Variants in ST8SIA1 observed in about 807,000 individuals in gnomAD.
The protein encoded by ST8SIA1 is ST8 alpha-N-acetyl-neuraminide alpha-2,8-sialyltransferase 1.
In ST8SIA1, 16 loss-of-function variants were observed where a neutral mutation model predicts 35.9. That is an observed-to-expected ratio of 0.45 (90% CI 0.30 to 0.68). ST8SIA1 has a LOEUF of 0.68. ST8SIA1 is among the 30% of genes least tolerant of loss of function. The pLI is 0.09. For missense variants in ST8SIA1, 383 were observed against 453.6 expected (o/e 0.84, Z 1.41); for synonymous variants, 170 against 169.6 (o/e 1.00, Z -0.02).
intron 2 of ST8SIA1, among the ~76,000 whole-genome samples, chr12:22,263,789 T>A (rs886369250): frequency 6.6e-6 from 1 of 152,180 alleles, no homozygotes; most frequent in Admixed American, 6.5e-5. Context: ...TTTAGAATTG[T>A]GGCACCAAGT....
In ST8SIA1 at chr12:22,269,564, T is replaced by C. The variant is rs1865887432; in HGVS notation, c.382-14175A>G. On this transcript the variant is annotated intron_variant, in intron 2 of 4. Transcript: ENST00000396037. ...GGTATTTAACTGTAGAGGTGATTCA[T>C]AATTTAACCAATCCCTTAATGTTGA... Among the ~76,000 whole-genome samples the C allele has an allele frequency of 3.3e-5, 5 of 152,318 alleles. No homozygotes were observed. The South Asian group carries it at 1.0e-3, about 32-fold the overall frequency.
chr12:22,285,885 A>ACAAAAAAAACAAAAAAAAC lies in ST8SIA1; in HGVS notation c.381+1263_381+1264insGTTTTTTTTGTTTTTTTTG, dbSNP rs1555160058. Among the ~76,000 whole-genome samples the ACAAAAAAAACAAAAAAAAC allele has an allele frequency of 1.5e-3, 228 of 147,386 alleles. 2 individuals are homozygous for ACAAAAAAAACAAAAAAAAC. The highest frequency in any genetic ancestry group is 5.5e-3 in the African/African-American group (208 of 37,584). On this transcript the variant is annotated intron_variant, in intron 2 of 4. Transcript: ENST00000396037. The stretch of plus-strand genomic sequence containing the variant: ...TAAGACTCTGTCAAAAACAAAAAAA[A>ACAAAAAAAACAAAAAAAAC]AAAAAAAAAAAGGACATTTCCATGC...
Position 22,334,575 on chromosome 12 carries a change from G to A in ST8SIA1, c.-343C>T. ...CTCCCGCCGGTTCTGCAGCATCACG[G>A]TCGCCCTCGGCGAGGGTCCGGGAGA... On this transcript the variant is annotated 5_prime_UTR_variant, in exon 1 of 5. Transcript: ENST00000396037. 2.9e-6 allele frequency: 1 copy of A among 346,330 alleles called. No individual in the cohort carries two copies. The highest frequency in any genetic ancestry group is 3.5e-5 in the South Asian group (1 of 28,762). 21.5% of individuals were successfully genotyped at this position (346,330 alleles called of 1,614,324 possible).
At chr12:22,284,812 T>C (rs985865263) in intron 2 of ST8SIA1, among the ~76,000 whole-genome samples, 5 of 152,242 alleles carry the variant, frequency 3.3e-5, no homozygotes, top group African/African-American at 1.2e-4. Context: ...CTTATAACCC[T>C]ATTGCTGCAA....
At chr12:22,222,723 T>C (rs1591827593) in intron 4 of ST8SIA1, among the ~76,000 whole-genome samples, 1 of 152,034 alleles carries the variant, frequency 6.6e-6, no homozygotes, top group South Asian at 2.1e-4. Flanking sequence ...TTATTTATGA[T>C]TGATAAATAA....
At chr12:22,206,439 C>G (rs1865111226) in intron 4 of ST8SIA1, among the ~76,000 whole-genome samples, 1 of 152,154 alleles carries the variant, frequency 6.6e-6, no homozygotes. Flanking sequence ...GGGCTGAACC[C>G]TAAAATCCTG....
rs1565565149 is a variant in ST8SIA1 at position 22,201,611 on chromosome 12, C to T, written c.1012G>A (p.Gly338Ser). 1 of 1,613,904 alleles carries T rather than the reference C, an allele frequency of 6.2e-7. No individual in the cohort carries two copies. The highest frequency in any genetic ancestry group is 8.5e-7 in the Non-Finnish European group (1 of 1,179,918). Residue 338 changes from glycine (G) to serine (S), a missense_variant, in exon 5 of 5, where the codon GGT becomes AGT. Gly to Ser is a moderately conservative substitution (Grantham distance 56). Coordinates refer to ENST00000396037, the MANE Select transcript of ST8SIA1 (RefSeq NM_003034.4). ...GGGTCCAGCTGCATTCTCAGTGCAC[C>T]GATTTTATGAAGATACCAGAGTTGG... Reference protein sequence around the residue: ...FLQLWYLHKIGALRMQLDPCE... With the variant: ...FLQLWYLHKISALRMQLDPCE...
At chr12:22,320,524 G>A (rs1162624142) in intron 1 of ST8SIA1, among the ~76,000 whole-genome samples, 3 of 152,146 alleles carry the variant, frequency 2.0e-5, no homozygotes, top group Non-Finnish European at 4.4e-5. Flanking sequence ...CAGAAGAGGG[G>A]TAGAGGAATC....
At chr12:22,300,904 T>A (rs1006358102) in intron 1 of ST8SIA1, among the ~76,000 whole-genome samples, 2 of 152,190 alleles carry the variant, frequency 1.3e-5, no homozygotes, top group Non-Finnish European at 2.9e-5. Flanking sequence ...AAAAATTATA[T>A]AGGAAGCATC....
chr12:22,246,138 C>T (rs539029824), intron 4 of ST8SIA1, among the ~76,000 whole-genome samples: 36 of 152,038 alleles, frequency 2.4e-4, no homozygotes, highest in Non-Finnish European at 3.7e-4. Flanking sequence ...TCAGAAGCTC[C>T]GGAGGCCTAG....
In ST8SIA1 at chr12:22,249,656, T is replaced by C. The variant is rs116615951; in HGVS notation, c.492-558A>G. On this transcript the variant is annotated intron_variant, in intron 3 of 4. Coordinates refer to ENST00000396037, the MANE Select transcript of ST8SIA1 (RefSeq NM_003034.4). ...AACTACTCCTGTTTAGTAAGAAAGATAATGTCAGCCAAAGGGGCAAATTAT... is the reference window on the plus strand; with the variant it reads ...AACTACTCCTGTTTAGTAAGAAAGACAATGTCAGCCAAAGGGGCAAATTAT... 1.7e-3 allele frequency among the ~76,000 whole-genome samples: 263 copies of C among 152,338 alleles called. 1 individual carries two copies. The highest frequency in any genetic ancestry group is 6.2e-3 in the African/African-American group (257 of 41,584).
chr12:22,227,376 C>A (rs573224044), intron 4 of ST8SIA1, among the ~76,000 whole-genome samples: 2 of 152,084 alleles, frequency 1.3e-5, no homozygotes, highest in South Asian at 2.1e-4. Context: ...CAGTTCGAGA[C>A]CAGCCTGGCC....
At chr12:22,220,555 TC>T (rs1565570187) in intron 4 of ST8SIA1, among the ~76,000 whole-genome samples, 1 of 152,180 alleles carries the variant, frequency 6.6e-6, no homozygotes, top group African/African-American at 2.4e-5. Flanking sequence ...CTAACTTTTT[TC>T]CCCCTGCAAT....
rs758115566 is a variant in ST8SIA1 at position 22,201,920 on chromosome 12, C to A, written c.703G>T (p.Val235Phe). The change falls in exon 5 of 5, where the codon GTT (valine) becomes TTT (phenylalanine). Residue 235 changes from valine (V) to phenylalanine (F), a missense_variant. By Grantham distance (50) the Val-to-Phe change is conservative (BLOSUM62 -1). Coordinates refer to ENST00000396037, the MANE Select transcript of ST8SIA1 (RefSeq NM_003034.4). ...CCAACATCTGACAGTGTATAATAAA[C>A]CCTCAAAGATGGCTCTGTTCCTGTC... ...MKTGTEPSLR[V>F]YYTLSDVGAN... 1 of 1,614,070 alleles carries A rather than the reference C, an allele frequency of 6.2e-7. No individual in the cohort carries two copies. The highest frequency in any genetic ancestry group is 1.7e-5 in the Admixed American group (1 of 59,998).
rs1363052555 is a variant in ST8SIA1 at position 22,275,021 on chromosome 12, T to TG, written c.381+12127dup. On this transcript the variant is annotated intron_variant, in intron 2 of 4. Transcript: ENST00000396037. Reference sequence around the variant, plus strand: ...GTATTAAGAGAGATATATACAAATTTGGGGGGGAGAAAATAGATTTTTAAT... The same window carrying TG: ...GTATTAAGAGAGATATATACAAATTTGGGGGGGGAGAAAATAGATTTTTAAT... Among the ~76,000 whole-genome samples the TG allele has an allele frequency of 3.9e-5, 6 of 152,148 alleles. 1 individual carries two copies. In the South Asian group the frequency reaches 6.2e-4, roughly 16 times the overall value.
intron 4 of ST8SIA1, among the ~76,000 whole-genome samples, chr12:22,229,052 T>TA (rs1865387301): frequency 3.0e-5 from 1 of 33,176 alleles, no homozygotes. Context: ...AGACTCCATC[T>TA]CCAAAAAAAA....
chr12:22,283,322 C>T (rs1866058868), intron 2 of ST8SIA1, among the ~76,000 whole-genome samples: 1 of 152,208 alleles, frequency 6.6e-6, no homozygotes, highest in African/African-American at 2.4e-5. Flanking sequence ...TGGTTTCTAA[C>T]ATTCCTGCTA....
Position 22,249,089 on chromosome 12 carries a change from G to C in ST8SIA1, c.501C>G (p.Leu167=), listed in dbSNP as rs1178848455. The part of the protein sequence containing the change: ...DEANFVMRCN[L]PPLSSEYTKD... ...TAGTGTATTCACTTGACAAAGGAGG[G>C]AGATTGCATCTAGAGAAACAAGAAC... The change falls in exon 4 of 5, where the codon CTC becomes CTG. Residue 167 remains leucine, a synonymous_variant. Coordinates refer to ENST00000396037, the MANE Select transcript of ST8SIA1 (RefSeq NM_003034.4). The C allele has an allele frequency of 1.9e-6, 3 of 1,611,114 alleles. No homozygotes were observed. Among genetic ancestry groups the C allele is most frequent in the Non-Finnish European group, 2.5e-6 (3 of 1,177,584 alleles).
chr12:22,301,201 A>G lies in ST8SIA1; in HGVS notation c.237-13908T>C, dbSNP rs116743322. Among the ~76,000 whole-genome samples the G allele has an allele frequency of 5.1e-3, 781 of 152,092 alleles. 8 individuals are homozygous for G. Among genetic ancestry groups the G allele is most frequent in the African/African-American group, 0.018 (749 of 41,490 alleles). On this transcript the variant is annotated intron_variant, in intron 1 of 4. Coordinates refer to ENST00000396037, the MANE Select transcript of ST8SIA1 (RefSeq NM_003034.4). ...GAAGGTGGTTTTATAATCAGCTGTA[A>G]AACTCTAACAAGTGCTCTTGAATGA...
Sources: allele counts gnomAD v4.1 joint callset (sites outside exome capture counted in the v4.1 genomes callset), GRCh38; gene constraint gnomAD v4.1.1; transcripts MANE v1.5; gene names NCBI Gene and HGNC (gene_info 2026-07-23, HGNC 2026-07-21).